Variants in MGAT5 observed in about 807,000 individuals in gnomAD.
MGAT5 encodes the protein alpha-1,6-mannosylglycoprotein 6-beta-N-acetylglucosaminyltransferase.
In MGAT5, 30 loss-of-function variants were observed where a neutral mutation model predicts 94.3. The ratio of observed to expected loss-of-function variants is 0.32; its 90% CI spans 0.24 to 0.43. The LOEUF (loss-of-function observed/expected upper bound fraction) is 0.43. Among genes scored for constraint, MGAT5 ranks in the 20% least tolerant of loss-of-function variants. The pLI, the probability that MGAT5 is intolerant of heterozygous loss-of-function variation, is 1.00. For missense variants in MGAT5, 691 were observed against 905.5 expected, an observed-to-expected ratio of 0.76 and a Z score of 3.04; for synonymous variants, 310 against 322.9, an observed-to-expected ratio of 0.96 and a Z score of 0.43.
intron 1 of MGAT5, among the ~76,000 whole-genome samples, chr2:134,186,034 T>A (rs115084204): frequency 6.6e-6 from 1 of 152,214 alleles, no homozygotes; most frequent in Non-Finnish European, 1.5e-5. Flanking sequence ...TGTGTGGGGC[T>A]TGGGGCTCGG....
chr2:134,243,557 T>A (rs558712842), intron 1 of MGAT5, among the ~76,000 whole-genome samples: 1 of 152,336 alleles, frequency 6.6e-6, no homozygotes, highest in East Asian at 1.9e-4. Flanking sequence ...CCTTGACTTT[T>A]ATGACTCTGG....
chr2:134,436,302 A>AT (rs1263616211), intron 14 of MGAT5, among the ~76,000 whole-genome samples: 1 of 152,122 alleles, frequency 6.6e-6, no homozygotes, highest in Non-Finnish European at 1.5e-5. Flanking sequence ...GTTCAGTGTG[A>AT]TCATCTTTAG....
chr2:134,370,889 A>T (rs1680750146), intron 10 of MGAT5, among the ~76,000 whole-genome samples: 1 of 152,176 alleles, frequency 6.6e-6, no homozygotes, highest in African/African-American at 2.4e-5. Context: ...CTATAACATA[A>T]CCCCATGTGG....
chr2:134,125,401 G>A (rs1392289536), intron 1 of MGAT5, among the ~76,000 whole-genome samples: 1 of 152,288 alleles, frequency 6.6e-6, no homozygotes, highest in East Asian at 1.9e-4. Context: ...AGGCTGGTGA[G>A]TATGCCCTGT....
intron 1 of MGAT5, among the ~76,000 whole-genome samples, chr2:134,189,597 T>TTTTTTGTCTTG (rs796171408): frequency 1.1e-5 from 1 of 87,140 alleles, no homozygotes. Flanking sequence ...CTCTAGTTTT[T>TTTTTTGTCTTG]TTTTGTTTTT....
chr2:134,156,366 G>A (rs943043109), intron 1 of MGAT5, among the ~76,000 whole-genome samples: 4 of 152,132 alleles, frequency 2.6e-5, no homozygotes, highest in Non-Finnish European at 5.9e-5. Flanking sequence ...AGATAAGTTC[G>A]TCCAGGTCTC....
At chr2:134,261,363 A>G (rs962621543) in intron 1 of MGAT5, among the ~76,000 whole-genome samples, 9 of 152,148 alleles carry the variant, frequency 5.9e-5, no homozygotes, top group Admixed American at 4.6e-4. Context: ...GTGCTTGAGC[A>G]GACCTCTTGC....
chr2:134,410,639 C>G (rs1300856080), intron 11 of MGAT5, among the ~76,000 whole-genome samples: 1 of 152,198 alleles, frequency 6.6e-6, no homozygotes, highest in Non-Finnish European at 1.5e-5. Context: ...GCAACAGCCT[C>G]AAATCCTTTT....
intron 6 of MGAT5, among the ~76,000 whole-genome samples, chr2:134,339,185 A>G (rs1688495310): frequency 6.6e-6 from 1 of 152,214 alleles, no homozygotes; most frequent in Admixed American, 6.5e-5. Flanking sequence ...GATCTCTTGA[A>G]TTTGTGAGAC....
At chr2:134,247,438 T>C (rs1316499557) in intron 1 of MGAT5, among the ~76,000 whole-genome samples, 1 of 151,358 alleles carries the variant, frequency 6.6e-6, no homozygotes, top group Admixed American at 6.6e-5. Context: ...AGGTGGAAAT[T>C]TGAAGTTCAA....
intron 10 of MGAT5, among the ~76,000 whole-genome samples, chr2:134,369,123 T>C (rs537179318): frequency 1.6e-3 from 248 of 152,342 alleles, no homozygotes; most frequent in African/African-American, 5.4e-3. Flanking sequence ...TGGCACGTGG[T>C]AGGCACTCGG....
At chr2:134,349,149 C>A (rs1679199457) in intron 8 of MGAT5, among the ~76,000 whole-genome samples, 1 of 152,116 alleles carries the variant, frequency 6.6e-6, no homozygotes, top group South Asian at 2.1e-4. Context: ...ACAGACCGTA[C>A]AAAAATAGGC....
chr2:134,260,285 T>G (rs900056081), intron 1 of MGAT5, among the ~76,000 whole-genome samples: 35 of 152,280 alleles, frequency 2.3e-4, no homozygotes, highest in African/African-American at 8.4e-4. Context: ...AGGAAGGAAG[T>G]TTTTTCCTTA....
intron 1 of MGAT5, among the ~76,000 whole-genome samples, chr2:134,236,675 G>T (rs532445730): frequency 1.3e-5 from 2 of 152,096 alleles, no homozygotes; most frequent in East Asian, 3.9e-4. Flanking sequence ...ACCCAGTCTC[G>T]GGTATGTCTT....
intron 2 of MGAT5, among the ~76,000 whole-genome samples, chr2:134,305,027 G>A (rs1439112): frequency 0.61 from 93,069 of 152,066 alleles, 30,086 homozygotes; most frequent in Non-Finnish European, 0.71. Context: ...TCTTCAAACC[G>A]TACCCAAGAA....
chr2:134,213,810 T>G (rs1302794174), intron 1 of MGAT5, among the ~76,000 whole-genome samples: 1 of 147,366 alleles, frequency 6.8e-6, no homozygotes, highest in African/African-American at 2.7e-5. Flanking sequence ...TCTGTCCTTG[T>G]GGAGTTGGGG....
intron 1 of MGAT5, among the ~76,000 whole-genome samples, chr2:134,189,074 G>A (rs549955653): frequency 6.6e-6 from 1 of 152,312 alleles, no homozygotes; most frequent in East Asian, 1.9e-4. Context: ...GCACGTTGAT[G>A]TGTTTACCAA....
At chr2:134,154,898 G>A (rs1322244490) in intron 1 of MGAT5, among the ~76,000 whole-genome samples, 1 of 152,232 alleles carries the variant, frequency 6.6e-6, no homozygotes, top group Non-Finnish European at 1.5e-5. Flanking sequence ...CCACCGTGAG[G>A]TGTCTTGGTC....
At position 134,441,932 on chromosome 2, in the gene MGAT5, G is replaced by T. The variant is rs763359570; in HGVS notation, c.2027+17G>T. The T allele has an allele frequency of 3.1e-6, 5 of 1,608,542 alleles. No homozygotes were observed. The South Asian group carries it at 4.4e-5, about 14-fold the overall frequency. ...CATGCTGAAGTAAGTGCCCTGGGGT[G>T]GGGGTGGGGACTCAGCCCCTAGACT... is the stretch of plus-strand genomic sequence containing the variant. On this transcript the variant is annotated intron_variant, in intron 15 of 15. Coordinates refer to ENST00000281923, the MANE Select transcript of MGAT5 (RefSeq NM_002410.5).
Sources: allele counts gnomAD v4.1 joint callset (sites outside exome capture counted in the v4.1 genomes callset), GRCh38; gene constraint gnomAD v4.1.1; transcripts MANE v1.5; gene names NCBI Gene and HGNC (gene_info 2026-07-23, HGNC 2026-07-21).